EXOC4: variants seen among roughly 807,000 people sequenced by gnomAD.
EXOC4 encodes SEC8-like 1.
Under a neutral mutation model 107.2 loss-of-function variants are expected in EXOC4, and 71 were observed. The observed-to-expected ratio is 0.66, with a 90% CI of 0.55 to 0.81. The LOEUF (loss-of-function observed/expected upper bound fraction) is 0.81. Among genes scored for constraint, EXOC4 ranks in the 30% least tolerant of loss-of-function variants. The pLI, the probability that EXOC4 is intolerant of heterozygous loss-of-function variation, is 0.00. For synonymous variants in EXOC4, 456 were observed against 441.2 expected (o/e 1.03, Z -0.42); for missense variants, 1,108 against 1,189.6 (o/e 0.93, Z 1.01).
intron 10 of EXOC4, among the ~76,000 whole-genome samples, chr7:133,686,144 T>C (rs1476325689): frequency 6.6e-6 from 1 of 152,258 alleles, no homozygotes; most frequent in East Asian, 1.9e-4. Flanking sequence ...CCCCTGCCCA[T>C]GTGATGCTCA....
At chr7:133,853,468 C>G (rs1798283879) in intron 11 of EXOC4, among the ~76,000 whole-genome samples, 1 of 151,730 alleles carries the variant, frequency 6.6e-6, no homozygotes, top group South Asian at 2.1e-4. Context: ...TAGGCTCAAG[C>G]AATCCTCCCA....
At chr7:133,533,615 A>G (rs1044827040) in intron 9 of EXOC4, among the ~76,000 whole-genome samples, 2 of 152,102 alleles carry the variant, frequency 1.3e-5, no homozygotes, top group Non-Finnish European at 2.9e-5. Context: ...CATGTGCAGT[A>G]TGGATTATTT....
In EXOC4 at chr7:133,997,500, C is replaced by G; in HGVS notation, c.2215C>G (p.Pro739Ala). 3.1e-6 allele frequency: 5 copies of G among 1,613,548 alleles called. No individual in the cohort carries two copies. Among genetic ancestry groups the G allele is most frequent in the Non-Finnish European group, 4.2e-6 (5 of 1,179,692 alleles). Residue 739 changes from proline to alanine, a missense_variant, in exon 15 of 18, where the codon CCT becomes GCT. Coordinates refer to ENST00000253861, the MANE Select transcript of EXOC4 (RefSeq NM_021807.4). Reference sequence around the variant, plus strand: ...TTATCCTTACCTTTCAGTGCTTTCTCCTGCTCAAGACAGCCACACGAACAC... The same window carrying G: ...TTATCCTTACCTTTCAGTGCTTTCTGCTGCTCAAGACAGCCACACGAACAC... ...SNLSTSQMLS[P>A]AQDSHTNTDL...
chr7:133,688,983 T>G (rs974142383), intron 10 of EXOC4, among the ~76,000 whole-genome samples: 1 of 152,192 alleles, frequency 6.6e-6, no homozygotes, highest in Non-Finnish European at 1.5e-5. Flanking sequence ...CCAGTCCTCA[T>G]TCCCTTGTAG....
At chr7:133,322,787 C>A (rs777217660) in intron 5 of EXOC4, among the ~76,000 whole-genome samples, 1 of 152,014 alleles carries the variant, frequency 6.6e-6, no homozygotes, top group Non-Finnish European at 1.5e-5. Flanking sequence ...GGGATAGTAT[C>A]GAATCTGTAA....
intron 5 of EXOC4, among the ~76,000 whole-genome samples, chr7:133,350,417 T>C (rs2150645079): frequency 6.6e-6 from 1 of 152,164 alleles, no homozygotes; most frequent in East Asian, 1.9e-4. Flanking sequence ...ACAGCATTTG[T>C]TGAAAGGCCG....
At chr7:133,980,324 A>G (rs531229723) in intron 14 of EXOC4, among the ~76,000 whole-genome samples, 3 of 152,330 alleles carry the variant, frequency 2.0e-5, no homozygotes, top group Admixed American at 1.3e-4. Flanking sequence ...CTCTTCCAGG[A>G]TCCTCACCAG....
At chr7:133,447,053 A>G (rs1798237196) in intron 7 of EXOC4, among the ~76,000 whole-genome samples, 1 of 152,204 alleles carries the variant, frequency 6.6e-6, no homozygotes, top group Non-Finnish European at 1.5e-5. Context: ...CATAAGTGAA[A>G]TAATAAAGGG....
intron 10 of EXOC4, among the ~76,000 whole-genome samples, chr7:133,672,908 C>T (rs1054581464): frequency 2.0e-5 from 3 of 152,174 alleles, no homozygotes; most frequent in Non-Finnish European, 4.4e-5. Context: ...ATGAACAATG[C>T]TGAACAAATT....
At chr7:133,949,355 G>A (rs947600681) in intron 14 of EXOC4, among the ~76,000 whole-genome samples, 3 of 152,124 alleles carry the variant, frequency 2.0e-5, no homozygotes, top group South Asian at 4.1e-4. Flanking sequence ...AGCTCTGGTC[G>A]TTGAATCCTA....
At chr7:133,875,190 GA>G (rs1277345886) in intron 11 of EXOC4, among the ~76,000 whole-genome samples, 1 of 152,194 alleles carries the variant, frequency 6.6e-6, no homozygotes, top group East Asian at 1.9e-4. Context: ...TGAGACTTGT[GA>G]TAAAATAGGG....
intron 9 of EXOC4, among the ~76,000 whole-genome samples, chr7:133,516,757 C>CTTTTTTTT (rs1563093913): frequency 3.8e-4 from 2 of 5,292 alleles, no homozygotes; most frequent in Admixed American, 3.5e-3. Flanking sequence ...ACTAGCTGCT[C>CTTTTTTTT]ATTTTTTTTT....
intron 10 of EXOC4, among the ~76,000 whole-genome samples, chr7:133,739,722 C>T (rs576090296): frequency 6.6e-6 from 1 of 152,192 alleles, no homozygotes; most frequent in Non-Finnish European, 1.5e-5. Flanking sequence ...GCCCTAAACA[C>T]ACAGGGAAGA....
chr7:133,334,641 T>G (rs1563023350), intron 5 of EXOC4, among the ~76,000 whole-genome samples: 1 of 152,146 alleles, frequency 6.6e-6, no homozygotes, highest in Non-Finnish European at 1.5e-5. Flanking sequence ...GTTGTATAGA[T>G]TATTTCATCA....
chr7:133,820,725 G>A (rs756882261), intron 11 of EXOC4, among the ~76,000 whole-genome samples: 6 of 152,228 alleles, frequency 3.9e-5, no homozygotes, highest in African/African-American at 9.6e-5. Flanking sequence ...GCAACACCCA[G>A]TGTCACACAG....
At chr7:133,745,397 A>T (rs1795652268) in intron 10 of EXOC4, among the ~76,000 whole-genome samples, 1 of 152,160 alleles carries the variant, frequency 6.6e-6, no homozygotes, top group South Asian at 2.1e-4. Context: ...TTATCTATAA[A>T]ATGAGAATTA....
At chr7:133,548,242 G>A (rs752511067) in intron 9 of EXOC4, among the ~76,000 whole-genome samples, 40 of 151,834 alleles carry the variant, frequency 2.6e-4, no homozygotes, top group Admixed American at 2.0e-3. Context: ...TTCAAATTTT[G>A]TCATGAGATT....
intron 17 of EXOC4, among the ~76,000 whole-genome samples, chr7:134,036,160 C>G (rs1432793852): frequency 6.6e-6 from 1 of 152,156 alleles, no homozygotes; most frequent in Non-Finnish European, 1.5e-5. Context: ...TCTGTGCTGC[C>G]CCTGTATGAG....
the EXOC4 span, among the ~76,000 whole-genome samples, chr7:134,096,594 T>G: frequency 6.6e-6 from 1 of 152,296 alleles, no homozygotes; most frequent in Admixed American, 6.5e-5. Flanking sequence ...AAGCTGACAG[T>G]GCAGCCTTCA....
Sources: allele counts gnomAD v4.1 joint callset (sites outside exome capture counted in the v4.1 genomes callset), GRCh38; gene constraint gnomAD v4.1.1; transcripts MANE v1.5; gene names NCBI Gene and HGNC (gene_info 2026-07-23, HGNC 2026-07-21).